The following DLG2 variants were observed in gnomAD, a reference collection of about 807,000 sequenced individuals.
DLG2 encodes discs large MAGUK scaffold protein 2.
Under a neutral mutation model 132.5 loss-of-function variants are expected in DLG2, and 45 were observed. That is an observed-to-expected ratio of 0.34 (90% confidence interval 0.27 to 0.44). The LOEUF (loss-of-function observed/expected upper bound fraction) is 0.44. Among genes scored for constraint, DLG2 ranks in the 20% least tolerant of loss-of-function variants. DLG2 has a pLI of 1.00. For synonymous variants in DLG2, 424 were observed against 419.6 expected, an observed-to-expected ratio of 1.01 and a Z score of -0.13; for missense variants, 1,045 against 1,196.9, an observed-to-expected ratio of 0.87 and a Z score of 1.87.
chr11:85,200,108 AC>A (rs1024277093), intron 4 of DLG2, among the ~76,000 whole-genome samples: 2 of 151,872 alleles, frequency 1.3e-5, no homozygotes, highest in Admixed American at 6.6e-5. Flanking sequence ...GAGGTTGTAA[AC>A]CCCCCCATGG....
chr11:85,523,162 G>C (rs1238979969), intron 3 of DLG2, among the ~76,000 whole-genome samples: 2 of 152,184 alleles, frequency 1.3e-5, no homozygotes. Context: ...CAATGAATGA[G>C]TTCTCACAAG....
intron 18 of DLG2, among the ~76,000 whole-genome samples, chr11:83,767,934 G>A (rs1237383984): frequency 6.6e-6 from 1 of 152,156 alleles, no homozygotes; most frequent in East Asian, 1.9e-4. Flanking sequence ...AGCTAGCCAA[G>A]TAGCAGAAGC....
intron 9 of DLG2, among the ~76,000 whole-genome samples, chr11:84,138,821 T>C (rs2094712745): frequency 1.3e-5 from 2 of 151,982 alleles, no homozygotes; most frequent in Admixed American, 6.6e-5. Flanking sequence ...TGGTGGCACA[T>C]GCCTGTAATC....
intron 6 of DLG2, among the ~76,000 whole-genome samples, chr11:85,076,128 T>C (rs2066510981): frequency 6.6e-6 from 1 of 151,994 alleles, no homozygotes; most frequent in Admixed American, 6.6e-5. Flanking sequence ...GAAAGTATGC[T>C]ATTACAGCTA....
intron 19 of DLG2, among the ~76,000 whole-genome samples, chr11:83,589,315 AAG>A (rs1361361479): frequency 6.8e-6 from 1 of 147,944 alleles, no homozygotes; most frequent in African/African-American, 2.5e-5. Flanking sequence ...TACAAGCCAG[AAG>A]AGAGTGGGGG....
intron 4 of DLG2, among the ~76,000 whole-genome samples, chr11:85,157,850 G>A (rs764322243): frequency 7.9e-5 from 12 of 152,164 alleles, no homozygotes; most frequent in South Asian, 2.1e-4. Flanking sequence ...AAACTCTGAC[G>A]AAGCTTTTTT....
intron 5 of DLG2, among the ~76,000 whole-genome samples, chr11:85,149,198 G>C (rs575517363): frequency 6.6e-6 from 1 of 152,200 alleles, no homozygotes; most frequent in East Asian, 1.9e-4. Context: ...CTCCAGCTTT[G>C]TTCTTTTTGC....
At chr11:85,302,188 A>C (rs1208864595) in intron 3 of DLG2, among the ~76,000 whole-genome samples, 1 of 152,192 alleles carries the variant, frequency 6.6e-6, no homozygotes, top group Admixed American at 6.5e-5. Context: ...ACTTGGACAG[A>C]CACTACTAAC....
At chr11:83,792,957 C>T (rs1267023767) in intron 17 of DLG2, among the ~76,000 whole-genome samples, 2 of 152,106 alleles carry the variant, frequency 1.3e-5, no homozygotes, top group Admixed American at 6.5e-5. Context: ...TTACATATAC[C>T]TCGACATTTG....
At chr11:83,723,484 A>G (rs960723401) in intron 18 of DLG2, among the ~76,000 whole-genome samples, 10 of 152,234 alleles carry the variant, frequency 6.6e-5, no homozygotes, top group African/African-American at 2.4e-4. Flanking sequence ...AGATTCCTGC[A>G]TCATAATAAC....
At chr11:84,211,077 C>G (rs1403089180) in intron 8 of DLG2, among the ~76,000 whole-genome samples, 2 of 151,894 alleles carry the variant, frequency 1.3e-5, no homozygotes, top group Non-Finnish European at 2.9e-5. Flanking sequence ...TGAAAAGAAA[C>G]AAAACAACTG....
intron 3 of DLG2, among the ~76,000 whole-genome samples, chr11:85,564,822 C>A (rs2077440839): frequency 4.6e-5 from 7 of 151,814 alleles, no homozygotes; most frequent in Admixed American, 2.6e-4. Context: ...ATTTATAGAG[C>A]AATTTGGGGA....
intron 5 of DLG2, among the ~76,000 whole-genome samples, chr11:85,145,144 T>A (rs946848469): frequency 1.1e-4 from 17 of 152,086 alleles, no homozygotes; most frequent in Admixed American, 1.0e-3. Flanking sequence ...ACTTTAAATA[T>A]GTCATGCACC....
At chr11:84,292,688 G>C (rs1466268248) in intron 7 of DLG2, among the ~76,000 whole-genome samples, 1 of 152,120 alleles carries the variant, frequency 6.6e-6, no homozygotes, top group African/African-American at 2.4e-5. Flanking sequence ...TGTCAAACTT[G>C]ATAGAGAATG....
chr11:83,723,112 G>T (rs1056894550), intron 18 of DLG2, among the ~76,000 whole-genome samples: 1 of 152,146 alleles, frequency 6.6e-6, no homozygotes, highest in Non-Finnish European at 1.5e-5. Context: ...CAGGGGTGGT[G>T]TCTCAAACCT....
intron 6 of DLG2, among the ~76,000 whole-genome samples, chr11:84,884,004 G>C (rs544866684): frequency 3.3e-5 from 5 of 152,160 alleles, no homozygotes; most frequent in Admixed American, 2.6e-4. Flanking sequence ...TAAGTCCAAA[G>C]AGAATTGTTT....
chr11:85,198,647 C>T (rs1329370404), intron 4 of DLG2, among the ~76,000 whole-genome samples: 1 of 152,084 alleles, frequency 6.6e-6, no homozygotes, highest in Admixed American at 6.5e-5. Flanking sequence ...AAAAAGGTAT[C>T]ATTTTACTAC....
At chr11:84,048,597 G>A (rs1249919186) in intron 11 of DLG2, among the ~76,000 whole-genome samples, 1 of 151,560 alleles carries the variant, frequency 6.6e-6, no homozygotes, top group African/African-American at 2.4e-5. Context: ...ATTAGAAAAT[G>A]AATAAACATA....
intron 4 of DLG2, among the ~76,000 whole-genome samples, chr11:85,225,322 G>A (rs1167810347): frequency 6.6e-6 from 1 of 152,068 alleles, no homozygotes; most frequent in African/African-American, 2.4e-5. Context: ...TGCTCATGAA[G>A]ATCCTGTCCC....
Sources: allele counts gnomAD v4.1 joint callset (sites outside exome capture counted in the v4.1 genomes callset), GRCh38; gene constraint gnomAD v4.1.1; transcripts MANE v1.5; gene names NCBI Gene and HGNC (gene_info 2026-07-23, HGNC 2026-07-21).